Variants in PDZRN4 observed in about 807,000 individuals in gnomAD.
PDZRN4 encodes the protein PDZ domain-containing RING finger protein 4.
A neutral mutation model predicts 99.0 loss-of-function variants in PDZRN4; 70 were observed. The observed-to-expected ratio is 0.71, with a 90% CI of 0.58 to 0.86. The LOEUF (loss-of-function observed/expected upper bound fraction) is 0.86, where lower values mean the gene tolerates loss of function less well. Among genes scored for constraint, PDZRN4 ranks in the 40% least tolerant of loss-of-function variants. The pLI, the probability that PDZRN4 is intolerant of heterozygous loss-of-function variation, is 0.00. For synonymous variants in PDZRN4, 551 were observed against 501.6 expected, an observed-to-expected ratio of 1.10 and a Z score of -1.32; for missense variants, 1,474 against 1,331.2, an observed-to-expected ratio of 1.11 and a Z score of -1.67.
chr12:41,566,727 G>C (rs1375075763), intron 8 of PDZRN4, among the ~76,000 whole-genome samples: 1 of 152,176 alleles, frequency 6.6e-6, no homozygotes, highest in Non-Finnish European at 1.5e-5. Context: ...TAGAAGTTCA[G>C]TTATGTTTAA....
At chr12:41,471,042 C>A (rs995240807) in intron 3 of PDZRN4, among the ~76,000 whole-genome samples, 12 of 152,204 alleles carry the variant, frequency 7.9e-5, no homozygotes, top group South Asian at 2.1e-4. Context: ...AAATCCTCTA[C>A]TTAGCAACAC....
At chr12:41,515,484 T>C (rs1938386200) in intron 5 of PDZRN4, among the ~76,000 whole-genome samples, 1 of 152,032 alleles carries the variant, frequency 6.6e-6, no homozygotes. Context: ...ATTTACTGAA[T>C]TGAAAACTGA....
intron 3 of PDZRN4, among the ~76,000 whole-genome samples, chr12:41,425,925 C>T (rs1245396441): frequency 6.6e-6 from 1 of 152,148 alleles, no homozygotes; most frequent in Admixed American, 6.6e-5. Flanking sequence ...TTTCCAGTAT[C>T]TCTAGACACC....
Position 41,503,475 on chromosome 12 carries a change from C to T in PDZRN4, c.844-2981C>T, listed in dbSNP as rs550535121. ...GCTAATATTGTTTGCACATACTAAG[C>T]ATTACAATAATGATTTCACAGCCTC... On this transcript the variant is annotated intron_variant, in intron 3 of 9. Transcript: ENST00000402685. 1.3e-4 allele frequency among the ~76,000 whole-genome samples: 20 copies of T among 152,230 alleles called. No homozygotes were observed. The South Asian group carries it at 3.9e-3, about 30-fold the overall frequency.
At chr12:41,213,824 G>A (rs1241007178) in intron 3 of PDZRN4, among the ~76,000 whole-genome samples, 1 of 151,946 alleles carries the variant, frequency 6.6e-6, no homozygotes, top group Non-Finnish European at 1.5e-5. Flanking sequence ...GCCCAGTCTC[G>A]AGTTCAGTGG....
rs145841750 is a variant in PDZRN4, at chr12:41,366,860, T to C, written c.844-139596T>C. 7.7e-4 allele frequency among the ~76,000 whole-genome samples: 118 copies of C among 152,288 alleles called. 1 individual carries two copies. The highest frequency in any genetic ancestry group is 3.4e-3 in the Middle Eastern group (1 of 294). The stretch of plus-strand genomic sequence containing the variant: ...GCGAATTGCATTTTAATTGAAAATG[T>C]CTTTGCAAATTGCTCTAGCACAATT... On this transcript the variant is annotated intron_variant, in intron 3 of 9. Transcript: ENST00000402685.
intron 3 of PDZRN4, among the ~76,000 whole-genome samples, chr12:41,310,256 TTGTGTGTGTG>T (rs67129655): frequency 1.3e-5 from 2 of 149,962 alleles, no homozygotes; most frequent in African/African-American, 2.5e-5. Flanking sequence ...TCATTTTTGT[TTGTGTGTGTG>T]TGTGTGTGTG....
intron 3 of PDZRN4, among the ~76,000 whole-genome samples, chr12:41,262,182 C>T (rs530380467): frequency 5.6e-4 from 86 of 152,304 alleles, no homozygotes; most frequent in Non-Finnish European, 1.0e-3. Context: ...AACTCTTTTT[C>T]CATTTCCCAG....
chr12:41,563,386 G>A (rs1324112896), intron 7 of PDZRN4, among the ~76,000 whole-genome samples, 162 bp from the exon 8 acceptor site: 3 of 152,106 alleles, frequency 2.0e-5, no homozygotes, highest in East Asian at 1.9e-4. Flanking sequence ...TACAGTAAGC[G>A]CGTAATTGAG....
chr12:41,289,323 G>A (rs541504351), intron 3 of PDZRN4, among the ~76,000 whole-genome samples: 2 of 152,254 alleles, frequency 1.3e-5, no homozygotes, highest in South Asian at 4.1e-4. Context: ...AAACTAATTA[G>A]AGTCATAAAA....
At chr12:41,266,382 A>G (rs1313016160) in intron 3 of PDZRN4, among the ~76,000 whole-genome samples, 4 of 151,934 alleles carry the variant, frequency 2.6e-5, no homozygotes, top group Non-Finnish European at 5.9e-5. Context: ...TCCTCTTGGT[A>G]TTGATACTAA....
chr12:41,394,703 T>C (rs1424328671), intron 3 of PDZRN4, among the ~76,000 whole-genome samples: 1 of 152,058 alleles, frequency 6.6e-6, no homozygotes, highest in African/African-American at 2.4e-5. Context: ...AGACTTCAGT[T>C]CCTTGCCATG....
At chr12:41,396,052 T>G (rs1565571420) in intron 3 of PDZRN4, among the ~76,000 whole-genome samples, 1 of 152,140 alleles carries the variant, frequency 6.6e-6, no homozygotes, top group Non-Finnish European at 1.5e-5. Context: ...CAGTTCATCT[T>G]TATTCTGCTG....
chr12:41,534,920 T>A (rs933873515), intron 5 of PDZRN4, among the ~76,000 whole-genome samples: 20 of 152,178 alleles, frequency 1.3e-4, no homozygotes, highest in African/African-American at 4.6e-4. Flanking sequence ...TAGTTTTTAT[T>A]TCTTTGTGTC....
At chr12:41,214,452 T>TAAAAAAAAAAAAAAAAAAAAAAAAAAAAA (rs1555216889) in intron 3 of PDZRN4, among the ~76,000 whole-genome samples, 2 of 53,080 alleles carry the variant, frequency 3.8e-5, no homozygotes, top group African/African-American at 6.6e-5. Flanking sequence ...AAAAAAAAAG[T>TAAAAAAAAAAAAAAAAAAAAAAAAAAAAA]TATCTATTTG....
intron 3 of PDZRN4, among the ~76,000 whole-genome samples, chr12:41,353,559 G>A (rs938879618): frequency 2.6e-5 from 4 of 152,030 alleles, no homozygotes; most frequent in Non-Finnish European, 5.9e-5. Context: ...GGAGAGCAAG[G>A]GCACCTACAT....
chr12:41,557,321 G>T (rs544694321), intron 7 of PDZRN4, among the ~76,000 whole-genome samples: 6 of 152,058 alleles, frequency 3.9e-5, no homozygotes, highest in Non-Finnish European at 5.9e-5. Flanking sequence ...TCCAGGGAGC[G>T]ATAAGCTGTT....
At chr12:41,547,735 G>A (rs947147659) in intron 5 of PDZRN4, among the ~76,000 whole-genome samples, 6 of 152,158 alleles carry the variant, frequency 3.9e-5, no homozygotes, top group Non-Finnish European at 8.8e-5. Context: ...GACATCGACT[G>A]TTGTTTGCCA....
At chr12:41,391,180 C>CAAAG (rs1952208748) in intron 3 of PDZRN4, among the ~76,000 whole-genome samples, 1 of 152,152 alleles carries the variant, frequency 6.6e-6, no homozygotes, top group Non-Finnish European at 1.5e-5. Context: ...TGTCTGGAAG[C>CAAAG]AAAGAGTGCC....
Sources: gnomAD v4.1 joint callset for allele counts (sites outside exome capture counted in the v4.1 genomes callset) on GRCh38, gnomAD v4.1.1 for gene constraint, MANE v1.5 for transcripts, NCBI Gene and HGNC (gene_info 2026-07-23, HGNC 2026-07-21) for gene names.